The following ZNF200 variants were observed in gnomAD, a reference collection of about 807,000 sequenced individuals.
ZNF200 encodes the protein zinc finger protein 200.
Under a neutral mutation model 33.6 loss-of-function variants are expected in ZNF200, and 35 were observed. That is an observed-to-expected ratio of 1.04 (90% CI 0.80 to 1.38). The LOEUF is 1.38. Ranked by LOEUF, ZNF200 falls within the 40% of genes most tolerant of loss-of-function variation. The pLI is 0.00. For synonymous variants in ZNF200, 209 were observed against 167.7 expected (o/e 1.25, Z -1.90); for missense variants, 592 against 470.6 (o/e 1.26, Z -2.39).
rs773919140 is a variant in ZNF200, at chr16:3,224,133, T to A, written c.947A>T (p.Asn316Ile). 6.2e-7 allele frequency: 1 copy of A among 1,614,098 alleles called. No homozygotes were observed. Among genetic ancestry groups the A allele is most frequent in the South Asian group, 1.1e-5 (1 of 91,076 alleles). Reference sequence around the variant, plus strand: ...ACTCCGATGAGAATTCTGACGGAAGTTTTTTCCACACTGAGAACAGGAATA... The same window carrying A: ...ACTCCGATGAGAATTCTGACGGAAGATTTTTCCACACTGAGAACAGGAATA... ...KPYSCSQCGKNFRQNSHRSRH... is the reference protein window; with the variant it reads ...KPYSCSQCGKIFRQNSHRSRH... The change falls in exon 5 of 5, where the codon AAC (asparagine) becomes ATC (isoleucine). Residue 316 changes from asparagine (N) to isoleucine (I), a missense_variant. Physicochemically the swap from Asn to Ile is moderately radical, Grantham distance 149 (BLOSUM62 -3). Transcript: ENST00000414144.
chr16:3,233,526 C>A lies in ZNF200; in HGVS notation c.230G>T (p.Ser77Ile). ...KETLVIMKDV[S>I]SSLQNRVHPR... ...CTCACCTCTGTTCTGAAGGCTTGAG[C>A]TCACATCTTTCATAATAACCAAGGT... Residue 77 changes from serine to isoleucine, a missense_variant, in exon 2 of 5, where the codon AGC becomes ATC. Physicochemically the swap from Ser to Ile is moderately radical, Grantham distance 142. Coordinates refer to ENST00000414144, the MANE Select transcript of ZNF200 (RefSeq NM_198088.3). 1 of 1,568,764 alleles carries A rather than the reference C, an allele frequency of 6.4e-7. No homozygotes were observed. The highest frequency in any genetic ancestry group is 8.6e-7 in the Non-Finnish European group (1 of 1,158,626).
At chr16:3,233,899 T>G in intron 1 of ZNF200, 63 bp from the exon 2 acceptor site, 1 of 1,356,118 alleles carries the variant, frequency 7.4e-7, no homozygotes, top group Non-Finnish European at 9.9e-7. Context: ...CACTCCAATA[T>G]GTGGCATGGC....
chr16:3,233,463 A>ACCT (rs750118644), intron 2 of ZNF200, 43 bp downstream of exon 2: 86 of 1,501,184 alleles, frequency 5.7e-5, no homozygotes, highest in Non-Finnish European at 6.5e-5. Context: ...AGACTCCAGT[A>ACCT]CCTCCTCCTC....
At position 3,223,737 on chromosome 16, in the gene ZNF200, T is replaced by G; in HGVS notation, c.*155A>C. Reference sequence around the variant, plus strand: ...TTCTTCCCTGTGAATTTTCTAGCAATTTGAGGTTTTAGCTAAGATGGGCAT... The same window carrying G: ...TTCTTCCCTGTGAATTTTCTAGCAAGTTGAGGTTTTAGCTAAGATGGGCAT... On this transcript the variant is annotated 3_prime_UTR_variant, in exon 5 of 5. Coordinates refer to ENST00000414144, the MANE Select transcript of ZNF200 (RefSeq NM_198088.3). 8.7e-7 allele frequency: 1 copy of G among 1,151,594 alleles called. No homozygotes were observed. Among genetic ancestry groups the G allele is most frequent in the Non-Finnish European group, 1.2e-6 (1 of 830,406 alleles). The allele number at this position is 1,151,594 out of a possible 1,614,324, so 71.3% of individuals were successfully genotyped here.
chr16:3,230,474 C>T (rs1254462474), intron 4 of ZNF200, among the ~76,000 whole-genome samples: 1 of 152,140 alleles, frequency 6.6e-6, no homozygotes, highest in Admixed American at 6.6e-5. Context: ...TTTCTTCAAT[C>T]TTGAAAAGGT....
In ZNF200 at chr16:3,224,767, G is replaced by A. The variant is rs1040900559; in HGVS notation, c.467-154C>T. ...CACTCCTTTTCCATACTTATTGAGG[G>A]TGGGATACATAACTGATAAATCTTT... is the stretch of plus-strand genomic sequence containing the variant. On this transcript the variant is annotated intron_variant, in intron 4 of 4. Coordinates refer to ENST00000414144, the MANE Select transcript of ZNF200 (RefSeq NM_198088.3). The A allele has an allele frequency of 3.4e-6, 3 of 893,606 alleles. No individual in the cohort carries two copies. The African/African-American group carries it at 5.1e-5, about 15-fold the overall frequency. The allele number at this position is 893,606 out of a possible 1,614,324, so 55.4% of individuals were successfully genotyped here. A position where few individuals can be genotyped will look rare whatever the true frequency, so the allele number is the denominator to read the frequency against.
chr16:3,223,778 A>C lies in ZNF200; in HGVS notation c.*114T>G. 1.4e-6 allele frequency: 2 copies of C among 1,441,328 alleles called. No homozygotes were observed. The highest frequency in any genetic ancestry group is 1.8e-6 in the Non-Finnish European group (2 of 1,089,662). 89.3% of individuals were successfully genotyped at this position (1,441,328 alleles called of 1,614,324 possible). A position where few individuals can be genotyped will look rare whatever the true frequency, so the allele number is the denominator to read the frequency against. Reference sequence around the variant, plus strand: ...AGATGGGCATTTATCCAATTTTGGCAATAATGAGATTTTTACACATTTATA... The same window carrying C: ...AGATGGGCATTTATCCAATTTTGGCCATAATGAGATTTTTACACATTTATA... On this transcript the variant is annotated 3_prime_UTR_variant, in exon 5 of 5. Transcript: ENST00000414144.
chr16:3,224,493 G>C lies in ZNF200; in HGVS notation c.587C>G (p.Pro196Arg). 2 of 1,614,140 alleles carry C rather than the reference G, an allele frequency of 1.2e-6. No homozygotes were observed. The highest frequency in any genetic ancestry group is 1.1e-5 in the South Asian group (1 of 91,088). ...EMDSSLVSQQPPDNQEKERLN... is the reference protein window; with the variant it reads ...EMDSSLVSQQRPDNQEKERLN... ...TCGTTCCTTTTCCTGGTTATCGGGA[G>C]GCTGCTGAGAGACCAAGGAAGAATC... Residue 196 changes from proline (P) to arginine (R), a missense_variant, in exon 5 of 5, where the codon CCT becomes CGT. Transcript: ENST00000414144.
chr16:3,233,897 T>A (rs1958717814), intron 1 of ZNF200, 61 bp from the exon 2 acceptor site: 2 of 1,376,648 alleles, frequency 1.5e-6, no homozygotes, highest in East Asian at 2.4e-5. Context: ...TGCACTCCAA[T>A]ATGTGGCATG....
At chr16:3,229,299 G>A (rs1046419915) in intron 4 of ZNF200, among the ~76,000 whole-genome samples, 2 of 152,026 alleles carry the variant, frequency 1.3e-5, no homozygotes, top group Admixed American at 6.6e-5. Context: ...GCTCATGGCT[G>A]TAAAAACATG....
At chr16:3,225,910 ACT>A (rs1491139970) in intron 4 of ZNF200, 1 of 134,906 alleles carries the variant, frequency 7.4e-6, no homozygotes, top group Non-Finnish European at 1.6e-5. Context: ...TTTTTATTTC[ACT>A]TTTTTTTTTT....
chr16:3,232,759 T>C (rs747895357), intron 3 of ZNF200, 74 bp downstream of exon 3: 114 of 1,521,614 alleles, frequency 7.5e-5, no homozygotes, highest in Non-Finnish European at 1.0e-4. Context: ...CTCCTAAGAA[T>C]GTGTTTTTAC....
At chr16:3,229,683 G>A (rs1958584080) in intron 4 of ZNF200, among the ~76,000 whole-genome samples, 2 of 152,122 alleles carry the variant, frequency 1.3e-5, no homozygotes. Flanking sequence ...GGCTAACATG[G>A]TGAAACCCTG....
Position 3,233,571 on chromosome 16 carries a change from G to C in ZNF200, c.185C>G (p.Pro62Arg), listed in dbSNP as rs780960604. 2 of 1,610,262 alleles carry C rather than the reference G, an allele frequency of 1.2e-6. No homozygotes were observed. The highest frequency in any genetic ancestry group is 1.1e-5 in the South Asian group (1 of 90,718). ...TFLPKPSLVQ[P>R]SQKVKETLVI... ...CAAGGTCTCCTTGACTTTCTGACTG[G>C]GCTGGACCAGGCTTGGCTTGGGCAA... is the stretch of plus-strand genomic sequence containing the variant. Residue 62 changes from proline to arginine, a missense_variant, in exon 2 of 5, where the codon CCC (proline) becomes CGC (arginine). Physicochemically the swap from Pro to Arg is moderately radical, Grantham distance 103. Coordinates refer to ENST00000414144, the MANE Select transcript of ZNF200 (RefSeq NM_198088.3).
chr16:3,232,051 T>C (rs1050156209), intron 4 of ZNF200, among the ~76,000 whole-genome samples: 2 of 152,216 alleles, frequency 1.3e-5, no homozygotes, highest in Admixed American at 6.5e-5. Context: ...TTCACATCTA[T>C]TGAACATCAA....
chr16:3,230,198 C>T lies in ZNF200; in HGVS notation c.466+2223G>A, dbSNP rs144711034. The stretch of plus-strand genomic sequence containing the variant: ...AGCCCTCACCAGAAGCAGACGCTGA[C>T]GCCATGCTTCTTGTACAGCCTACAG... On this transcript the variant is annotated intron_variant, in intron 4 of 4. Transcript: ENST00000414144. Among the ~76,000 whole-genome samples the T allele has an allele frequency of 2.2e-4, 34 of 152,316 alleles. No individual in the cohort carries two copies. The East Asian group carries it at 3.7e-3, about 16-fold the overall frequency.
chr16:3,230,439 G>C (rs556041922), intron 4 of ZNF200, among the ~76,000 whole-genome samples: 20 of 152,126 alleles, frequency 1.3e-4, no homozygotes, highest in Non-Finnish European at 2.8e-4. Flanking sequence ...CTGAGTCTTT[G>C]TTTGTTGCCT....
At chr16:3,230,893 T>C (rs1461435445) in intron 4 of ZNF200, among the ~76,000 whole-genome samples, 3 of 152,240 alleles carry the variant, frequency 2.0e-5, no homozygotes, top group Non-Finnish European at 4.4e-5. Flanking sequence ...ACCTCAGTCT[T>C]GCGATAGCTC....
At position 3,224,153 on chromosome 16, in the gene ZNF200, G is replaced by C. The variant is rs760058132; in HGVS notation, c.927C>G (p.Ser309=). Residue 309 remains serine (S), a synonymous_variant, in exon 5 of 5, where the codon TCC becomes TCG. Transcript: ENST00000414144. ...GGAAGTTTTTTCCACACTGAGAACA[G>C]GAATAAGGTTTCTCTCCTGTATGAA... The part of the protein sequence containing the change: ...ERIHTGEKPY[S]CSQCGKNFRQ... 6.2e-7 allele frequency: 1 copy of C among 1,614,170 alleles called. No homozygotes were observed. The highest frequency in any genetic ancestry group is 2.2e-5 in the East Asian group (1 of 44,882).
Sources: gnomAD v4.1 joint callset for allele counts (sites outside exome capture counted in the v4.1 genomes callset) on GRCh38, gnomAD v4.1.1 for gene constraint, MANE v1.5 for transcripts, NCBI Gene and HGNC (gene_info 2026-07-23, HGNC 2026-07-21) for gene names.